The following NEO1 variants were observed in gnomAD, a reference collection of about 807,000 sequenced individuals.
NEO1 encodes neogenin 1, also known as neogenin.
NEO1 carries 63 observed loss-of-function variants against 159.7 expected under a neutral mutation model. The ratio of observed to expected loss-of-function variants is 0.39; its 90% CI spans 0.32 to 0.49. The LOEUF (loss-of-function observed/expected upper bound fraction) is 0.49, where lower values mean the gene tolerates loss of function less well. Ranked by LOEUF, NEO1 falls within the 20% of genes least tolerant of loss-of-function variation. The pLI is 0.85. For missense variants in NEO1, 1,615 were observed against 1,831.0 expected, an observed-to-expected ratio of 0.88 and a Z score of 2.15; for synonymous variants, 633 against 662.0, an observed-to-expected ratio of 0.96 and a Z score of 0.67.
chr15:73,139,093 A>G (rs2032117180), intron 5 of NEO1, among the ~76,000 whole-genome samples: 1 of 152,204 alleles, frequency 6.6e-6, no homozygotes, highest in African/African-American at 2.4e-5. Context: ...GAAAAACTGG[A>G]TAGCCACATG....
At chr15:73,209,061 CA>C (rs1385864679) in intron 7 of NEO1, among the ~76,000 whole-genome samples, 24 of 152,138 alleles carry the variant, frequency 1.6e-4, no homozygotes, top group Non-Finnish European at 1.3e-4. Flanking sequence ...GAATCATCAC[CA>C]ATGTGTAGTA....
rs115329600 is a variant in NEO1 at position 73,080,858 on chromosome 15, A to G, written c.130+28053A>G. On this transcript the variant is annotated intron_variant, in intron 1 of 28. Transcript: ENST00000261908. ...TGTGCTGCAGCCAAGGTGGTAAACA[A>G]ATTAAGGTGTTCTCCTTAGATTTCA... is the stretch of plus-strand genomic sequence containing the variant. Among the ~76,000 whole-genome samples the G allele has an allele frequency of 9.8e-3, 1,490 of 152,128 alleles. 30 individuals are homozygous for G. The highest frequency in any genetic ancestry group is 0.034 in the African/African-American group (1,415 of 41,472).
chr15:73,231,591 A>G (rs2038914002), intron 7 of NEO1, among the ~76,000 whole-genome samples: 1 of 152,146 alleles, frequency 6.6e-6, no homozygotes, highest in South Asian at 2.1e-4. Context: ...AAAATTAGCC[A>G]GGCGTGGATG....
At chr15:73,212,943 T>C (rs1567498050) in intron 7 of NEO1, among the ~76,000 whole-genome samples, 1 of 152,220 alleles carries the variant, frequency 6.6e-6, no homozygotes, top group South Asian at 2.1e-4. Flanking sequence ...CCCATATTTA[T>C]GTGTATATAA....
chr15:73,239,546 C>G (rs374091116), intron 8 of NEO1, among the ~76,000 whole-genome samples: 1 of 152,182 alleles, frequency 6.6e-6, no homozygotes, highest in African/African-American at 2.4e-5. Flanking sequence ...TAAGATTATA[C>G]CACTGTCTTT....
chr15:73,231,117 A>G (rs557273476), intron 7 of NEO1, among the ~76,000 whole-genome samples: 1 of 152,202 alleles, frequency 6.6e-6, no homozygotes, highest in Non-Finnish European at 1.5e-5. Flanking sequence ...GCAGATTTCA[A>G]TATTCTGTCA....
At chr15:73,300,501 G>A (rs907827230) in intron 27 of NEO1, among the ~76,000 whole-genome samples, 8 of 152,188 alleles carry the variant, frequency 5.3e-5, no homozygotes, top group African/African-American at 1.4e-4. Flanking sequence ...AGGCCGAGGC[G>A]GGTAGATCAC....
chr15:73,083,158 A>C (rs1026079576), intron 1 of NEO1, among the ~76,000 whole-genome samples: 5 of 152,176 alleles, frequency 3.3e-5, no homozygotes, highest in Non-Finnish European at 7.4e-5. Context: ...TTGTGTAGTT[A>C]AGCAGTGTCA....
chr15:73,271,155 T>C (rs2041150386), intron 18 of NEO1, among the ~76,000 whole-genome samples: 2 of 152,208 alleles, frequency 1.3e-5, no homozygotes, highest in African/African-American at 4.8e-5. Context: ...CACAGTTCAC[T>C]GGACTTTGTA....
intron 1 of NEO1, among the ~76,000 whole-genome samples, chr15:73,068,277 A>AT (rs1273149113): frequency 1.2e-4 from 14 of 121,670 alleles, no homozygotes; most frequent in African/African-American, 4.1e-4. Context: ...GCTGGAGTGC[A>AT]TTGGTGGGTT....
At chr15:73,200,670 C>CTTTTT (rs931779531) in intron 7 of NEO1, among the ~76,000 whole-genome samples, 44 of 92,844 alleles carry the variant, frequency 4.7e-4, no homozygotes, top group East Asian at 7.1e-4. Context: ...ATTCCCTTAT[C>CTTTTT]TTTTTTTTTT....
At chr15:73,069,133 T>TTTG (rs1555421330) in intron 1 of NEO1, among the ~76,000 whole-genome samples, 94 of 116,096 alleles carry the variant, frequency 8.1e-4, no homozygotes, top group Middle Eastern at 7.9e-3. Context: ...GTATTTTTTT[T>TTTG]TTTTTTTTTT....
chr15:73,301,606 G>A, intron 28 of NEO1, 149 bp downstream of exon 28: 2 of 1,037,350 alleles, frequency 1.9e-6, no homozygotes, highest in Non-Finnish European at 2.8e-6. Context: ...TAGATACAGT[G>A]TTGAGCATCT....
intron 26 of NEO1, among the ~76,000 whole-genome samples, chr15:73,295,147 A>ATATATATATATATATATATATATATATAT (rs1238740275): frequency 3.0e-5 from 3 of 100,478 alleles, no homozygotes; most frequent in Admixed American, 1.1e-4. Context: ...TATATATGTA[A>ATATATATATATATATATATATATATATAT]AAATTTGGCC....
At chr15:73,068,999 C>G (rs1240934394) in intron 1 of NEO1, among the ~76,000 whole-genome samples, 3 of 148,848 alleles carry the variant, frequency 2.0e-5, no homozygotes, top group Non-Finnish European at 4.4e-5. Context: ...CTCACCTAGG[C>G]TGGAGTGCAA....
In NEO1 at chr15:73,260,280, T is replaced by C. The variant is rs928543246; in HGVS notation, c.2213T>C (p.Val738Ala). The change falls in exon 15 of 29, where the codon GTT becomes GCT. Residue 738 changes from valine to alanine, a missense_variant. Physicochemically the swap from Val to Ala is moderately conservative, Grantham distance 64. This residue lies in a region of NEO1 where 1,018 missense variants were observed against 1,115.4 expected (regional missense o/e 0.91). Transcript: ENST00000261908. ...TFESDLDETR[V>A]PEVPSSLHVR... ...CACTTTTCCTTCCCAGAAACTCGTG[T>C]TCCTGAAGTGCCTAGCTCTCTTCAC... 9 of 1,610,292 alleles carry C rather than the reference T, an allele frequency of 5.6e-6. No homozygotes were observed. Among genetic ancestry groups the C allele is most frequent in the Non-Finnish European group, 7.6e-6 (9 of 1,178,420 alleles).
chr15:73,267,538 C>A, intron 16 of NEO1, among the ~76,000 whole-genome samples: 1 of 123,506 alleles, frequency 8.1e-6, no homozygotes. Flanking sequence ...ATCCCTCCCC[C>A]TCCCCCCACC....
chr15:73,274,100 A>T, intron 20 of NEO1, 95 bp downstream of exon 20: 2 of 1,176,428 alleles, frequency 1.7e-6, no homozygotes, highest in Non-Finnish European at 2.4e-6. Context: ...TGGATAGTAT[A>T]TGAAGTCTTA....
At chr15:73,160,676 A>G (rs2034109403) in intron 5 of NEO1, among the ~76,000 whole-genome samples, 1 of 152,182 alleles carries the variant, frequency 6.6e-6, no homozygotes, top group Non-Finnish European at 1.5e-5. Context: ...ATTATAAAGG[A>G]TATTACAAAG....
Sources: allele counts gnomAD v4.1 joint callset (sites outside exome capture counted in the v4.1 genomes callset), GRCh38; gene constraint gnomAD v4.1.1; regional missense constraint gnomAD v4.1.1; transcripts MANE v1.5; gene names NCBI Gene and HGNC (gene_info 2026-07-23, HGNC 2026-07-21).